NRXN1: variants seen among roughly 807,000 people sequenced by gnomAD.
NRXN1 encodes neurexin 1.
Under a neutral mutation model 150.9 loss-of-function variants are expected in NRXN1, and 39 were observed. That is an observed-to-expected ratio of 0.26 (90% CI 0.20 to 0.34). The LOEUF is 0.34. NRXN1 is among the 10% of genes least tolerant of loss of function. The pLI, the probability that NRXN1 is intolerant of heterozygous loss-of-function variation, is 1.00. For synonymous variants in NRXN1, 924 were observed against 757.0 expected, an observed-to-expected ratio of 1.22 and a Z score of -3.62; for missense variants, 1,815 against 1,949.9, an observed-to-expected ratio of 0.93 and a Z score of 1.30.
intron 21 of NRXN1, among the ~76,000 whole-genome samples, chr2:49,957,069 T>C (rs1675105570): frequency 6.6e-6 from 1 of 152,092 alleles, no homozygotes; most frequent in Non-Finnish European, 1.5e-5. Context: ...AACTTCAATG[T>C]GTAACAAATG....
intron 18 of NRXN1, among the ~76,000 whole-genome samples, chr2:50,160,415 C>A (rs1217072036): frequency 6.6e-6 from 1 of 151,906 alleles, no homozygotes; most frequent in Non-Finnish European, 1.5e-5. Flanking sequence ...GTGATGCATG[C>A]CTGTAATCCC....
At chr2:50,875,707 G>C (rs1430374769) in intron 5 of NRXN1, among the ~76,000 whole-genome samples, 1 of 151,756 alleles carries the variant, frequency 6.6e-6, no homozygotes, top group African/African-American at 2.4e-5. Context: ...AGAACCAACA[G>C]CTTGATATCC....
chr2:50,485,645 C>T (rs944063279), intron 15 of NRXN1, among the ~76,000 whole-genome samples: 1 of 152,188 alleles, frequency 6.6e-6, no homozygotes, highest in African/African-American at 2.4e-5. Flanking sequence ...AGATAGGCCC[C>T]AAGTGCATGA....
intron 5 of NRXN1, among the ~76,000 whole-genome samples, chr2:50,671,675 T>C (rs1166684811): frequency 6.6e-6 from 1 of 151,782 alleles, no homozygotes; most frequent in Non-Finnish European, 1.5e-5. Flanking sequence ...TTAAATGTAA[T>C]GACACATTTT....
intron 18 of NRXN1, among the ~76,000 whole-genome samples, chr2:50,208,512 T>C (rs1055725623): frequency 6.6e-6 from 1 of 152,100 alleles, no homozygotes; most frequent in African/African-American, 2.4e-5. Context: ...ATAGCTTTTC[T>C]TCCAGCATAT....
chr2:50,730,282 T>C (rs1697928226), intron 5 of NRXN1, among the ~76,000 whole-genome samples: 1 of 152,320 alleles, frequency 6.6e-6, no homozygotes, highest in South Asian at 2.1e-4. Context: ...AATTTCCTAT[T>C]GTCGGCCTGA....
chr2:50,970,532 A>T (rs188147808), intron 2 of NRXN1, among the ~76,000 whole-genome samples: 209 of 152,314 alleles, frequency 1.4e-3, no homozygotes, highest in African/African-American at 4.7e-3. Flanking sequence ...ATTTATATTA[A>T]GGTGAGCAGT....
At position 50,075,231 on chromosome 2, in the gene NRXN1, A is replaced by G. The variant is rs577801683; in HGVS notation, c.3718+16092T>C. ...CATCCATGCAAATTCTATTTATTCTATTAGTCTACTTTGACGAGTCACTGA... is the reference window on the plus strand; with the variant it reads ...CATCCATGCAAATTCTATTTATTCTGTTAGTCTACTTTGACGAGTCACTGA... On this transcript the variant is annotated intron_variant, in intron 19 of 22. Coordinates refer to ENST00000401669, the MANE Select transcript of NRXN1 (RefSeq NM_001330078.2). Among the ~76,000 whole-genome samples, 573 of 152,332 alleles carry G rather than the reference A, an allele frequency of 3.8e-3. 3 individuals are homozygous for G. Among genetic ancestry groups the G allele is most frequent in the Middle Eastern group, 0.02 (6 of 294 alleles).
chr2:50,448,540 G>C (rs1266109801), intron 17 of NRXN1, among the ~76,000 whole-genome samples: 1 of 152,172 alleles, frequency 6.6e-6, no homozygotes, highest in Non-Finnish European at 1.5e-5. Context: ...TGTAATTTCA[G>C]ATTAGGAAAC....
chr2:50,691,596 G>A (rs1035932914), intron 5 of NRXN1, among the ~76,000 whole-genome samples: 3 of 152,056 alleles, frequency 2.0e-5, no homozygotes, highest in Non-Finnish European at 2.9e-5. Context: ...ATTGTTTTAC[G>A]ATCAGAGTTG....
chr2:50,804,731 C>T (rs1667287556), intron 5 of NRXN1, among the ~76,000 whole-genome samples: 1 of 152,156 alleles, frequency 6.6e-6, no homozygotes. Flanking sequence ...TAATTCCCTC[C>T]TCACTACTCC....
At chr2:50,399,134 G>T (rs1055573780) in intron 17 of NRXN1, among the ~76,000 whole-genome samples, 1 of 152,004 alleles carries the variant, frequency 6.6e-6, no homozygotes, top group East Asian at 1.9e-4. Context: ...GATTTTAAAG[G>T]GTTGAGTTTT....
chr2:50,449,692 A>G (rs1308365432), intron 17 of NRXN1, among the ~76,000 whole-genome samples: 1 of 152,188 alleles, frequency 6.6e-6, no homozygotes, highest in Non-Finnish European at 1.5e-5. Flanking sequence ...CTACATTTTG[A>G]AAAGCAAGGT....
At chr2:50,159,532 T>C (rs2059235396) in intron 18 of NRXN1, among the ~76,000 whole-genome samples, 1 of 152,166 alleles carries the variant, frequency 6.6e-6, no homozygotes, top group African/African-American at 2.4e-5. Flanking sequence ...AAAGTACAGC[T>C]AATTCTTAGA....
rs1009905644 is a variant in NRXN1, at chr2:49,979,883, CAT to C, written c.4129-36094_4129-36093del. Among the ~76,000 whole-genome samples, 100 of 148,618 alleles carry C rather than the reference CAT, an allele frequency of 6.7e-4. 1 individual carries two copies. Among genetic ancestry groups the C allele is most frequent in the African/African-American group, 3.7e-4 (15 of 40,512 alleles). ...TAATGTCCAAGTGAGTAAAATTCCA[CAT>C]AGTCTTATATTGTTTTTTTGGTTTT... On this transcript the variant is annotated intron_variant, in intron 21 of 22. Coordinates refer to ENST00000401669, the MANE Select transcript of NRXN1 (RefSeq NM_001330078.2).
intron 5 of NRXN1, among the ~76,000 whole-genome samples, chr2:50,794,158 T>C (rs1307116994): frequency 6.6e-6 from 1 of 152,110 alleles, no homozygotes; most frequent in Non-Finnish European, 1.5e-5. Flanking sequence ...CAAACCCTTT[T>C]TCATAGGCAT....
intron 17 of NRXN1, among the ~76,000 whole-genome samples, chr2:50,450,230 C>A (rs2086834150): frequency 6.6e-6 from 1 of 152,116 alleles, no homozygotes; most frequent in Non-Finnish European, 1.5e-5. Flanking sequence ...ATCTCACTTC[C>A]AACGCTCATT....
intron 13 of NRXN1, among the ~76,000 whole-genome samples, chr2:50,498,321 T>C (rs1420369310): frequency 6.6e-6 from 1 of 152,234 alleles, no homozygotes; most frequent in Non-Finnish European, 1.5e-5. Context: ...ATGACCATAG[T>C]TTTTGTTCAT....
intron 17 of NRXN1, among the ~76,000 whole-genome samples, chr2:50,306,249 G>A (rs1045688451): frequency 1.3e-5 from 2 of 152,038 alleles, no homozygotes; most frequent in Admixed American, 6.6e-5. Flanking sequence ...GAGTAGTCTG[G>A]GACTTCTTTT....
Sources: allele counts gnomAD v4.1 joint callset (sites outside exome capture counted in the v4.1 genomes callset), GRCh38; gene constraint gnomAD v4.1.1; transcripts MANE v1.5; gene names NCBI Gene and HGNC (gene_info 2026-07-23, HGNC 2026-07-21).